The following SCRN1 variants were observed in gnomAD, a reference collection of about 807,000 sequenced individuals.
SCRN1 encodes secernin-1.
Under a neutral mutation model 43.3 loss-of-function variants are expected in SCRN1, and 19 were observed. The ratio of observed to expected loss-of-function variants is 0.44; its 90% CI spans 0.31 to 0.64. The LOEUF is 0.64. Ranked by LOEUF, SCRN1 falls within the 30% of genes least tolerant of loss-of-function variation. The pLI is 0.09. For missense variants in SCRN1, 447 were observed against 524.1 expected, an observed-to-expected ratio of 0.85 and a Z score of 1.44; for synonymous variants, 183 against 188.9, an observed-to-expected ratio of 0.97 and a Z score of 0.26.
At chr7:29,966,093 AG>A (rs1788479118) in intron 2 of SCRN1, among the ~76,000 whole-genome samples, 1 of 150,004 alleles carries the variant, frequency 6.7e-6, no homozygotes, top group African/African-American at 2.4e-5. Context: ...CAGAGGAACG[AG>A]AGAGAGAGAG....
intron 1 of SCRN1, among the ~76,000 whole-genome samples, chr7:29,978,650 G>C (rs186669987): frequency 1.2e-4 from 18 of 152,222 alleles, no homozygotes; most frequent in African/African-American, 4.3e-4. Flanking sequence ...ATGGTGTTGT[G>C]AATGTAACGA....
At chr7:29,961,829 A>AC (rs925795515) in intron 2 of SCRN1, among the ~76,000 whole-genome samples, 18 of 151,698 alleles carry the variant, frequency 1.2e-4, no homozygotes, top group Admixed American at 3.3e-4. Context: ...CGGGGGGCTG[A>AC]CCCCCCCACT....
chr7:29,972,965 G>A (rs1348914987), intron 1 of SCRN1, among the ~76,000 whole-genome samples: 2 of 152,186 alleles, frequency 1.3e-5, no homozygotes, highest in Non-Finnish European at 1.5e-5. Flanking sequence ...GGACGGGACA[G>A]TGACACAGAG....
At chr7:29,946,842 T>C (rs563406392) in intron 3 of SCRN1, among the ~76,000 whole-genome samples, 2 of 152,238 alleles carry the variant, frequency 1.3e-5, no homozygotes, top group African/African-American at 4.8e-5. Flanking sequence ...ACACCAGGGT[T>C]ACACCCTTGC....
In SCRN1 at chr7:29,924,183, C is replaced by G. The variant is rs550323703; in HGVS notation, c.1087-68G>C. 3 of 1,510,480 alleles carry G rather than the reference C, an allele frequency of 2.0e-6. No individual in the cohort carries two copies. In the African/African-American group the frequency reaches 4.2e-5, roughly 21 times the overall value. The allele number at this position is 1,510,480 out of a possible 1,614,324, so 93.6% of individuals were successfully genotyped here. A position where few individuals can be genotyped will look rare whatever the true frequency, so the allele number is the denominator to read the frequency against. ...GGGGACATTGCAGCGGACACTGAAACCCTCTAGGGGGCCAGCTGGCTTCCT... is the reference window on the plus strand; with the variant it reads ...GGGGACATTGCAGCGGACACTGAAAGCCTCTAGGGGGCCAGCTGGCTTCCT... On this transcript the variant is annotated intron_variant, in intron 7 of 7. Coordinates refer to ENST00000242059, the MANE Select transcript of SCRN1 (RefSeq NM_014766.5).
chr7:29,968,244 T>C (rs1418216636), intron 2 of SCRN1, among the ~76,000 whole-genome samples: 2 of 152,138 alleles, frequency 1.3e-5, no homozygotes, highest in Non-Finnish European at 2.9e-5. Flanking sequence ...AGCAGTAATA[T>C]GGGGCTGGTT....
rs984161783 is a variant in SCRN1 at position 29,965,215 on chromosome 7, T to C, written c.159+3694A>G. On this transcript the variant is annotated intron_variant, in intron 2 of 7. Transcript: ENST00000242059. This position sits in a 1 kb window ranked among gnomAD's most constrained non-coding sequence, Gnocchi z 4.2. The stretch of plus-strand genomic sequence containing the variant: ...CAGTTGGGAAGAGTTCTGAATGGCA[T>C]ACAAATCAGCTTGGACTCTCATCCT... Among the ~76,000 whole-genome samples the C allele has an allele frequency of 1.3e-5, 2 of 152,252 alleles. No individual in the cohort carries two copies.
intron 3 of SCRN1, among the ~76,000 whole-genome samples, chr7:29,949,049 C>T (rs2128092365): frequency 6.6e-6 from 1 of 152,290 alleles, no homozygotes. Flanking sequence ...GGAGCGGTGG[C>T]TCACACCTGT....
chr7:29,930,268 A>G (rs1787113283), intron 6 of SCRN1, among the ~76,000 whole-genome samples: 1 of 152,202 alleles, frequency 6.6e-6, no homozygotes, highest in Admixed American at 6.5e-5. Context: ...ATTTGTTTAA[A>G]CCAGGATGTG....
At chr7:29,984,876 A>G (rs933452240) in intron 1 of SCRN1, among the ~76,000 whole-genome samples, 1 of 139,424 alleles carries the variant, frequency 7.2e-6, no homozygotes, top group Admixed American at 7.2e-5. Flanking sequence ...CCGAGATAGC[A>G]CCACTGTACT....
chr7:29,954,960 C>A (rs1271116944), intron 3 of SCRN1, among the ~76,000 whole-genome samples: 2 of 152,212 alleles, frequency 1.3e-5, no homozygotes, highest in Non-Finnish European at 2.9e-5. Flanking sequence ...GGATTACAGG[C>A]ATGAGCCACC....
At chr7:29,956,537 C>T (rs1200824838) in intron 2 of SCRN1, among the ~76,000 whole-genome samples, 1 of 152,190 alleles carries the variant, frequency 6.6e-6, no homozygotes, top group Non-Finnish European at 1.5e-5. Context: ...CAAGACCCAG[C>T]TATATCGACT....
intron 5 of SCRN1, among the ~76,000 whole-genome samples, chr7:29,937,833 C>T (rs758721165): frequency 7.2e-5 from 11 of 152,194 alleles, no homozygotes; most frequent in South Asian, 2.1e-4. Flanking sequence ...AAGCATCACA[C>T]GGAGAGGTTT....
intron 7 of SCRN1, among the ~76,000 whole-genome samples, chr7:29,925,254 T>C (rs1295337222): frequency 6.6e-6 from 1 of 152,182 alleles, no homozygotes; most frequent in African/African-American, 2.4e-5. Context: ...GTCACTTCTA[T>C]GGAAGAGAAG....
At chr7:29,940,929 T>C in intron 4 of SCRN1, 53 bp from the exon 5 acceptor site, 1 of 1,379,980 alleles carries the variant, frequency 7.2e-7, no homozygotes, top group South Asian at 1.8e-5. Context: ...AAAGACTTAA[T>C]CAACAAATGG....
At position 29,969,056 on chromosome 7, in the gene SCRN1, A is replaced by C. The variant is rs770454790; in HGVS notation, c.12T>G (p.Ala4=). The change falls in exon 2 of 8, where the codon GCT becomes GCG. Residue 4 remains alanine, a synonymous_variant. Coordinates refer to ENST00000242059, the MANE Select transcript of SCRN1 (RefSeq NM_014766.5). Reference sequence around the variant, plus strand: ...AGGCAACAAAACAGTAACTTGGAGGAGCTGCAGCCATCCTGAAAAGAGAAT... The same window carrying C: ...AGGCAACAAAACAGTAACTTGGAGGCGCTGCAGCCATCCTGAAAAGAGAAT... The part of the protein sequence containing the change: MAA[A]PPSYCFVAFP... 4.6e-5 allele frequency: 75 copies of C among 1,613,062 alleles called. No homozygotes were observed. The South Asian group carries it at 4.7e-4, about 10-fold the overall frequency.
chr7:29,940,355 G>T (rs995086725), intron 5 of SCRN1, among the ~76,000 whole-genome samples: 1 of 152,142 alleles, frequency 6.6e-6, no homozygotes, highest in Non-Finnish European at 1.5e-5. Context: ...AGCGGGGCAG[G>T]GAAAGATGAG....
upstream of SCRN1, chr7:29,989,915 T>C (rs1417410786): frequency 1.6e-5 from 17 of 1,057,832 alleles, no homozygotes; most frequent in Middle Eastern, 1.3e-3. Flanking sequence ...CCCGCGCGTC[T>C]GGCTGCACGG....
chr7:29,964,124 T>C lies in SCRN1; in HGVS notation c.159+4785A>G, dbSNP rs1583684430. On this transcript the variant is annotated intron_variant, in intron 2 of 7. Transcript: ENST00000242059. ...ATTCAATCTTTGAACCACATAAATATATGATTACCTATTCAAAATGAAAAA... is the reference window on the plus strand; with the variant it reads ...ATTCAATCTTTGAACCACATAAATACATGATTACCTATTCAAAATGAAAAA... 2.0e-5 allele frequency among the ~76,000 whole-genome samples: 3 copies of C among 152,308 alleles called. No individual in the cohort carries two copies. In the East Asian group the frequency reaches 5.8e-4, roughly 29 times the overall value.
Sources: gnomAD v4.1 joint callset for allele counts (sites outside exome capture counted in the v4.1 genomes callset) on GRCh38, gnomAD v4.1.1 for gene constraint, Gnocchi (gnomAD v3.1) non-coding constraint, MANE v1.5 for transcripts, NCBI Gene and HGNC (gene_info 2026-07-23, HGNC 2026-07-21) for gene names.